SCRN1: variants seen among roughly 807,000 people sequenced by gnomAD.
SCRN1 encodes the protein secernin 1.
A neutral mutation model predicts 43.3 loss-of-function variants in SCRN1; 19 were observed. The ratio of observed to expected loss-of-function variants is 0.44; its 90% CI spans 0.31 to 0.64. The LOEUF is 0.64. Among genes scored for constraint, SCRN1 ranks in the 30% least tolerant of loss-of-function variants. The pLI is 0.09. For synonymous variants in SCRN1, 183 were observed against 188.9 expected (o/e 0.97, Z 0.26); for missense variants, 447 against 524.1 (o/e 0.85, Z 1.44).
intron 2 of SCRN1, among the ~76,000 whole-genome samples, 160 bp from the exon 3 acceptor site, chr7:29,955,520 A>G (rs1294665973): frequency 6.6e-6 from 1 of 152,258 alleles, no homozygotes; most frequent in Non-Finnish European, 1.5e-5. Context: ...AATGCAGCTC[A>G]AAAGTCTCCA....
intron 1 of SCRN1, among the ~76,000 whole-genome samples, chr7:29,970,553 C>T (rs780904466): frequency 2.0e-5 from 3 of 152,220 alleles, no homozygotes; most frequent in Non-Finnish European, 4.4e-5. Flanking sequence ...TACCAACAAT[C>T]ATTATTTAGT....
chr7:29,974,115 T>C (rs1355553388), intron 1 of SCRN1, among the ~76,000 whole-genome samples: 1 of 152,188 alleles, frequency 6.6e-6, no homozygotes, highest in African/African-American at 2.4e-5. Flanking sequence ...TGTTTTTTCA[T>C]CTTTTCCTCT....
At chr7:29,987,772 C>T (rs1412515351) in intron 1 of SCRN1, among the ~76,000 whole-genome samples, 1 of 152,172 alleles carries the variant, frequency 6.6e-6, no homozygotes, top group Non-Finnish European at 1.5e-5. Context: ...ATGTGGAACC[C>T]GGGGGAGTTA....
chr7:29,962,182 A>T (rs1185520926), intron 2 of SCRN1, among the ~76,000 whole-genome samples: 1 of 148,364 alleles, frequency 6.7e-6, no homozygotes, highest in Non-Finnish European at 1.5e-5. Flanking sequence ...AAATAATATA[A>T]TTATTTACAT....
intron 1 of SCRN1, among the ~76,000 whole-genome samples, chr7:29,976,171 C>T (rs1014134894): frequency 6.6e-6 from 1 of 152,152 alleles, no homozygotes; most frequent in African/African-American, 2.4e-5. Context: ...CAACGCTGTC[C>T]AGGAGCATTT....
At chr7:29,933,076 C>T (rs1309933233) in intron 6 of SCRN1, among the ~76,000 whole-genome samples, 1 of 151,922 alleles carries the variant, frequency 6.6e-6, no homozygotes, top group Non-Finnish European at 1.5e-5. Flanking sequence ...GACAGGGTTT[C>T]GCCATGTTGG....
chr7:29,969,193 T>A, intron 1 of SCRN1, 125 bp from the exon 2 acceptor site: 1 of 1,147,782 alleles, frequency 8.7e-7, no homozygotes, highest in South Asian at 1.6e-5. Context: ...GCTAGCTCAT[T>A]AAGAGATCCC....
rs118161011 is a variant in SCRN1 at position 29,943,219 on chromosome 7, C to T, written c.544+758G>A. ...CACATCACATGGTCACCACCCAGTC[C>T]CAAGGAGCTGCTCGGGCCAAAATTC... is the stretch of plus-strand genomic sequence containing the variant. On this transcript the variant is annotated intron_variant, in intron 4 of 7. Coordinates refer to ENST00000242059, the MANE Select transcript of SCRN1 (RefSeq NM_014766.5). Among the ~76,000 whole-genome samples, 545 of 152,266 alleles carry T rather than the reference C, an allele frequency of 3.6e-3. 1 individual carries two copies. Among genetic ancestry groups the T allele is most frequent in the Non-Finnish European group, 5.4e-3 (368 of 68,022 alleles).
rs559659624 is a variant in SCRN1, at chr7:29,954,861, C to T, written c.341+318G>A. Reference sequence around the variant, plus strand: ...ACGTTCGGCTAATTTTTGTATTTTTCGTAGAGACGGGGTTTCACCATGTTG... The same window carrying T: ...ACGTTCGGCTAATTTTTGTATTTTTTGTAGAGACGGGGTTTCACCATGTTG... On this transcript the variant is annotated intron_variant, in intron 3 of 7. Coordinates refer to ENST00000242059, the MANE Select transcript of SCRN1 (RefSeq NM_014766.5). Among the ~76,000 whole-genome samples, 560 of 152,054 alleles carry T rather than the reference C, an allele frequency of 3.7e-3. 6 individuals are homozygous for T. The highest frequency in any genetic ancestry group is 5.9e-3 in the Non-Finnish European group (403 of 67,966).
intron 4 of SCRN1, 95 bp downstream of exon 4, chr7:29,943,882 C>T (rs1477036141): frequency 2.2e-5 from 26 of 1,162,268 alleles, no homozygotes; most frequent in Non-Finnish European, 3.1e-5. Context: ...TGCAACGGCA[C>T]GTCTTTCTTC....
chr7:29,966,494 G>C (rs1471342540), intron 2 of SCRN1, among the ~76,000 whole-genome samples: 1 of 152,280 alleles, frequency 6.6e-6, no homozygotes, highest in African/African-American at 2.4e-5. Flanking sequence ...AGGGAGGACA[G>C]ACAAGGAAGG....
intron 3 of SCRN1, among the ~76,000 whole-genome samples, chr7:29,954,914 C>G (rs1261152198): frequency 6.6e-6 from 1 of 152,170 alleles, no homozygotes; most frequent in Non-Finnish European, 1.5e-5. Flanking sequence ...CTCCTGACCT[C>G]AGGTGATCCA....
intron 1 of SCRN1, among the ~76,000 whole-genome samples, chr7:29,981,731 G>C (rs1239020772): frequency 6.6e-6 from 1 of 152,160 alleles, no homozygotes; most frequent in Admixed American, 6.5e-5. Context: ...AGGAAGGGAG[G>C]ACAGCTAGAA....
intron 3 of SCRN1, among the ~76,000 whole-genome samples, chr7:29,949,628 C>T (rs1787852139): frequency 6.6e-6 from 1 of 151,126 alleles, no homozygotes; most frequent in Non-Finnish European, 1.5e-5. Context: ...CCTCCTGCCT[C>T]GGCCTCCCAG....
chr7:29,961,715 T>C (rs1323450722), intron 2 of SCRN1, among the ~76,000 whole-genome samples: 3 of 150,954 alleles, frequency 2.0e-5, no homozygotes, highest in Non-Finnish European at 3.0e-5. Flanking sequence ...CACTTCCCAG[T>C]AGGGGCCGCC....
At chr7:29,925,513 C>T (rs1583644832) in intron 7 of SCRN1, among the ~76,000 whole-genome samples, 1 of 152,118 alleles carries the variant, frequency 6.6e-6, no homozygotes, top group Non-Finnish European at 1.5e-5. Context: ...CTAACAAGCA[C>T]GTTCCTTCTT....
chr7:29,947,308 A>C, intron 3 of SCRN1: 1 of 1,550,786 alleles, frequency 6.4e-7, no homozygotes, highest in African/African-American at 1.4e-5. Context: ...CGTTCCTGAA[A>C]AGTTAACACA....
rs570971694 is a variant in SCRN1, at chr7:29,928,991, C to T, written c.906-2359G>A. Among the ~76,000 whole-genome samples the T allele has an allele frequency of 9.2e-5, 14 of 152,320 alleles. No homozygotes were observed. In the South Asian group the frequency reaches 1.7e-3, roughly 18 times the overall value. On this transcript the variant is annotated intron_variant, in intron 6 of 7. Coordinates refer to ENST00000242059, the MANE Select transcript of SCRN1 (RefSeq NM_014766.5). ...GGAGGAGGAGGGCCAGGAGAGAGCA[C>T]GCCTAGCCATCCACAACCAGCTGTC...
chr7:29,983,494 A>T (rs538156304), intron 1 of SCRN1, among the ~76,000 whole-genome samples: 1 of 152,316 alleles, frequency 6.6e-6, no homozygotes, highest in African/African-American at 2.4e-5. Flanking sequence ...CAGAAGATTT[A>T]AAGAACAGAG....
Sources: gnomAD v4.1 joint callset for allele counts (sites outside exome capture counted in the v4.1 genomes callset) on GRCh38, gnomAD v4.1.1 for gene constraint, MANE v1.5 for transcripts, NCBI Gene and HGNC (gene_info 2026-07-23, HGNC 2026-07-21) for gene names.